Variants in SLC5A3 observed in about 807,000 individuals in gnomAD.
SLC5A3 encodes the protein solute carrier family 5 member 3, also known as sodium/myo-inositol cotransporter.
A neutral mutation model predicts 43.2 loss-of-function variants in SLC5A3; 10 were observed. That is an observed-to-expected ratio of 0.23 (90% confidence interval 0.14 to 0.39). The LOEUF (loss-of-function observed/expected upper bound fraction) is 0.39. SLC5A3 is among the 10% of genes least tolerant of loss of function. The pLI is 1.00. For synonymous variants in SLC5A3, 349 were observed against 322.0 expected, an observed-to-expected ratio of 1.08 and a Z score of -0.90; for missense variants, 608 against 893.4, an observed-to-expected ratio of 0.68 and a Z score of 4.07.
chr21:34,082,137 C>G (rs1425150016), intron 1 of SLC5A3, among the ~76,000 whole-genome samples: 1 of 151,304 alleles, frequency 6.6e-6, no homozygotes, highest in East Asian at 1.9e-4. Context: ...GTTAGGTTGG[C>G]TCTCATTTTG....
intron 1 of SLC5A3, among the ~76,000 whole-genome samples, chr21:34,091,268 CCCTGT>C (rs1978673566): frequency 0.1 from 2 of 20 alleles, no homozygotes; most frequent in Non-Finnish European, 0.17. Context: ...GCAGGCCCCG[CCCTGT>C]GTCATTGAAC....
chr21:34,074,309 T>C lies in SLC5A3; in HGVS notation c.-337+564T>C, dbSNP rs532252892. On this transcript the variant is annotated intron_variant, in intron 1 of 1. Transcript: ENST00000381151. ...TTGTGCCGTTGTCTGTATTCCAGTC[T>C]CTTGCAATCGCTCTCATGTTAAAAA... 7.2e-5 allele frequency among the ~76,000 whole-genome samples: 11 copies of C among 152,316 alleles called. No homozygotes were observed. The South Asian group carries it at 1.9e-3, about 26-fold the overall frequency.
rs1157562524 is a variant in SLC5A3, at chr21:34,095,412, G to T, written c.214G>T (p.Gly72Ter). ...GCACTTCATTGGGCTGGCAGGATCT[G>T]GAGCTGCAAGTGGATTTGCAGTGGG... is the stretch of plus-strand genomic sequence containing the variant. ...SEHFIGLAGS[G>*]AASGFAVGAW... The change falls in exon 2 of 2, where the codon GGA becomes TGA. Residue 72 changes from glycine to a stop codon, truncating the protein, a stop_gained. Transcript: ENST00000381151. LOFTEE classifies it high-confidence loss of function. 2 of 1,614,038 alleles carry T rather than the reference G, an allele frequency of 1.2e-6. No individual in the cohort carries two copies. Among genetic ancestry groups the T allele is most frequent in the African/African-American group, 1.3e-5 (1 of 74,920 alleles).
chr21:34,100,536 C>G lies in SLC5A3; in HGVS notation c.*3181C>G. On this transcript the variant is annotated 3_prime_UTR_variant, in exon 2 of 2. Coordinates refer to ENST00000381151, the MANE Select transcript of SLC5A3 (RefSeq NM_006933.7). The stretch of plus-strand genomic sequence containing the variant: ...CTCCTAGGGCTTCCTTTTCACTTGG[C>G]TCAAAGGATCCATTGTATTTTGGCA... 6.0e-6 allele frequency: 6 copies of G among 1,000,232 alleles called. No homozygotes were observed. Among genetic ancestry groups the G allele is most frequent in the Non-Finnish European group, 7.2e-6 (6 of 829,980 alleles). The allele number at this position is 1,000,232 out of a possible 1,614,324, so 62.0% of individuals were successfully genotyped here. A position where few individuals can be genotyped will look rare whatever the true frequency, so the allele number is the denominator to read the frequency against.
At chr21:34,086,955 A>G (rs960978655) in intron 1 of SLC5A3, among the ~76,000 whole-genome samples, 5 of 152,168 alleles carry the variant, frequency 3.3e-5, no homozygotes, top group African/African-American at 1.2e-4. Flanking sequence ...CCAGACAGAC[A>G]CGCACAGGGA....
In SLC5A3 at chr21:34,106,028, G is replaced by C; in HGVS notation, c.*8673G>C. On this transcript the variant is annotated 3_prime_UTR_variant, in exon 2 of 2. Coordinates refer to ENST00000381151, the MANE Select transcript of SLC5A3 (RefSeq NM_006933.7). ...AAATGAAAAAAGCATATCTGCTAAA[G>C]AGCTGTCAGTTTTCATTACTGACTC... 1.0e-6 allele frequency: 1 copy of C among 995,880 alleles called. No individual in the cohort carries two copies. Among genetic ancestry groups the C allele is most frequent in the Non-Finnish European group, 1.2e-6 (1 of 826,000 alleles). The allele number at this position is 995,880 out of a possible 1,614,324, so 61.7% of individuals were successfully genotyped here. A position where few individuals can be genotyped will look rare whatever the true frequency, so the allele number is the denominator to read the frequency against.
chr21:34,100,758 C>T lies in SLC5A3; in HGVS notation c.*3403C>T. 1.0e-6 allele frequency: 1 copy of T among 1,000,148 alleles called. No homozygotes were observed. Among genetic ancestry groups the T allele is most frequent in the East Asian group, 1.1e-4 (1 of 8,816 alleles). 62.0% of individuals were successfully genotyped at this position (1,000,148 alleles called of 1,614,324 possible). A position where few individuals can be genotyped will look rare whatever the true frequency, so the allele number is the denominator to read the frequency against. ...ATAGAGTGTGTCTGTATTCGCAGTC[C>T]ATGGCTCATTTTCTTTATAGTAGGC... On this transcript the variant is annotated 3_prime_UTR_variant, in exon 2 of 2. Transcript: ENST00000381151.
intron 1 of SLC5A3, among the ~76,000 whole-genome samples, chr21:34,089,551 G>A (rs760330385): frequency 6.6e-6 from 1 of 152,144 alleles, no homozygotes; most frequent in Non-Finnish European, 1.5e-5. Context: ...ATCTTGGGCG[G>A]AGTGTATATG....
chr21:34,082,456 G>A (rs1989480715), intron 1 of SLC5A3, among the ~76,000 whole-genome samples: 1 of 151,992 alleles, frequency 6.6e-6, no homozygotes, highest in African/African-American at 2.4e-5. Flanking sequence ...AGTACTATTT[G>A]GTTTGTACCC....
Position 34,099,097 on chromosome 21 carries a change from A to G in SLC5A3, c.*1742A>G. ...TCAGGTAGCATAGTGTCTTCCCATG[A>G]TCAGGAGGCTTTCTGAAGGACTGAG... On this transcript the variant is annotated 3_prime_UTR_variant, in exon 2 of 2. Coordinates refer to ENST00000381151, the MANE Select transcript of SLC5A3 (RefSeq NM_006933.7). The G allele has an allele frequency of 1.0e-6, 1 of 999,746 alleles. No homozygotes were observed. The highest frequency in any genetic ancestry group is 1.2e-6 in the Non-Finnish European group (1 of 829,788). The allele number at this position is 999,746 out of a possible 1,614,324, so 61.9% of individuals were successfully genotyped here.
At chr21:34,091,731 T>C (rs1035669809) in intron 1 of SLC5A3, among the ~76,000 whole-genome samples, 2 of 152,340 alleles carry the variant, frequency 1.3e-5, no homozygotes, top group Middle Eastern at 3.4e-3. Flanking sequence ...GCCTTCTCTT[T>C]TGGGAAGAAG....
Position 34,100,042 on chromosome 21 carries a change from T to C in SLC5A3, c.*2687T>C. 1 of 981,734 alleles carries C rather than the reference T, an allele frequency of 1.0e-6. No individual in the cohort carries two copies. The highest frequency in any genetic ancestry group is 1.1e-4 in the East Asian group (1 of 8,742). The allele number at this position is 981,734 out of a possible 1,614,324, so 60.8% of individuals were successfully genotyped here. On this transcript the variant is annotated 3_prime_UTR_variant, in exon 2 of 2. Coordinates refer to ENST00000381151, the MANE Select transcript of SLC5A3 (RefSeq NM_006933.7). ...TACTTTACACTGACTAAATGGGTCCTAAATGATGACATTGGTCTTTAGACA... is the reference window on the plus strand; with the variant it reads ...TACTTTACACTGACTAAATGGGTCCCAAATGATGACATTGGTCTTTAGACA...
intron 1 of SLC5A3, among the ~76,000 whole-genome samples, chr21:34,083,151 G>A (rs1199287227): frequency 6.6e-6 from 1 of 152,178 alleles, no homozygotes; most frequent in Non-Finnish European, 1.5e-5. Flanking sequence ...TTTGTCAGGT[G>A]AAGAAACCAA....
chr21:34,083,435 A>G (rs1354605493), intron 1 of SLC5A3, among the ~76,000 whole-genome samples: 3 of 152,218 alleles, frequency 2.0e-5, no homozygotes, highest in African/African-American at 7.2e-5. Context: ...TTTAAGGTGA[A>G]TTTCTGTTGC....
Position 34,100,049 on chromosome 21 carries a change from T to A in SLC5A3, c.*2694T>A, listed in dbSNP as rs1979164047. 1.0e-6 allele frequency: 1 copy of A among 988,986 alleles called. No homozygotes were observed. The highest frequency in any genetic ancestry group is 1.2e-6 in the Non-Finnish European group (1 of 819,898). 61.3% of individuals were successfully genotyped at this position (988,986 alleles called of 1,614,324 possible). A position where few individuals can be genotyped will look rare whatever the true frequency, so the allele number is the denominator to read the frequency against. Reference sequence around the variant, plus strand: ...CACTGACTAAATGGGTCCTAAATGATGACATTGGTCTTTAGACATTAACAT... The same window carrying A: ...CACTGACTAAATGGGTCCTAAATGAAGACATTGGTCTTTAGACATTAACAT... On this transcript the variant is annotated 3_prime_UTR_variant, in exon 2 of 2. Coordinates refer to ENST00000381151, the MANE Select transcript of SLC5A3 (RefSeq NM_006933.7).
Position 34,097,816 on chromosome 21 carries a change from T to C in SLC5A3, c.*461T>C, listed in dbSNP as rs1979042342. ...TTCTTAGACATTGTACAATCAGTTA[T>C]GTACTGAAAATCGAATGTGCTTGTG... On this transcript the variant is annotated 3_prime_UTR_variant, in exon 2 of 2. Transcript: ENST00000381151. 1 of 999,028 alleles carries C rather than the reference T, an allele frequency of 1.0e-6. No individual in the cohort carries two copies. The highest frequency in any genetic ancestry group is 1.1e-4 in the East Asian group (1 of 8,828). 61.9% of individuals were successfully genotyped at this position (999,028 alleles called of 1,614,324 possible).
intron 1 of SLC5A3, among the ~76,000 whole-genome samples, chr21:34,082,335 A>G (rs1344805788): frequency 6.6e-6 from 1 of 152,200 alleles, no homozygotes; most frequent in East Asian, 1.9e-4. Flanking sequence ...CATTTAGGCT[A>G]AAATATACAT....
chr21:34,100,130 C>G lies in SLC5A3; in HGVS notation c.*2775C>G. On this transcript the variant is annotated 3_prime_UTR_variant, in exon 2 of 2. Transcript: ENST00000381151. Reference sequence around the variant, plus strand: ...GTTCAGAATTGAAGCTTGATATTGACTAGAATAGCTAAAAGTCAAAATGAG... The same window carrying G: ...GTTCAGAATTGAAGCTTGATATTGAGTAGAATAGCTAAAAGTCAAAATGAG... The G allele has an allele frequency of 1.0e-6, 1 of 999,032 alleles. No individual in the cohort carries two copies. The highest frequency in any genetic ancestry group is 1.2e-6 in the Non-Finnish European group (1 of 828,904). 61.9% of individuals were successfully genotyped at this position (999,032 alleles called of 1,614,324 possible). A position where few individuals can be genotyped will look rare whatever the true frequency, so the allele number is the denominator to read the frequency against.
rs1268928979 is a variant in SLC5A3, at chr21:34,073,599, T to A, written c.-483T>A. The A allele has an allele frequency of 3.8e-5, 40 of 1,042,380 alleles. No homozygotes were observed. The highest frequency in any genetic ancestry group is 5.3e-5 in the Non-Finnish European group (39 of 730,092). 64.6% of individuals were successfully genotyped at this position (1,042,380 alleles called of 1,614,324 possible). The stretch of plus-strand genomic sequence containing the variant: ...CCGTGCTTTCGCCGCCTGGGAGCCG[T>A]CCGGCGCAGCAGTTTCTAGGTCCCC... On this transcript the variant is annotated 5_prime_UTR_variant, in exon 1 of 2. Transcript: ENST00000381151.
Sources: gnomAD v4.1 joint callset for allele counts (sites outside exome capture counted in the v4.1 genomes callset) on GRCh38, gnomAD v4.1.1 for gene constraint, MANE v1.5 for transcripts, NCBI Gene and HGNC (gene_info 2026-07-23, HGNC 2026-07-21) for gene names.